The following SYNJ2BP variants were observed in gnomAD, a reference collection of about 807,000 sequenced individuals.
SYNJ2BP encodes synaptojanin-2-binding protein.
A neutral mutation model predicts 16.9 loss-of-function variants in SYNJ2BP; 10 were observed. That is an observed-to-expected ratio of 0.59 (90% CI 0.36 to 1.00). The LOEUF (loss-of-function observed/expected upper bound fraction) is 1.00, where lower values mean the gene tolerates loss of function less well. Ranked by LOEUF, SYNJ2BP falls within the 50% of genes least tolerant of loss-of-function variation. The probability of loss-of-function intolerance (pLI) is 0.01; values close to 1 mark genes in which losing one functional copy is unlikely to be tolerated. For synonymous variants in SYNJ2BP, 54 were observed against 68.4 expected, an observed-to-expected ratio of 0.79 and a Z score of 1.04; for missense variants, 162 against 186.7, an observed-to-expected ratio of 0.87 and a Z score of 0.77.
At chr14:70,412,442 A>C (rs1337954844) in intron 1 of SYNJ2BP, among the ~76,000 whole-genome samples, 1 of 150,524 alleles carries the variant, frequency 6.6e-6, no homozygotes, top group East Asian at 1.9e-4. Flanking sequence ...GTTGCTGTGA[A>C]GATTAAATGA....
chr14:70,406,064 T>A (rs889465836), intron 1 of SYNJ2BP, among the ~76,000 whole-genome samples: 1 of 152,188 alleles, frequency 6.6e-6, no homozygotes, highest in Middle Eastern at 3.2e-3. Flanking sequence ...TTAACCCTTT[T>A]CCAAAAGGAA....
chr14:70,391,229 T>C (rs1449791458), intron 1 of SYNJ2BP, among the ~76,000 whole-genome samples: 2 of 152,124 alleles, frequency 1.3e-5, no homozygotes, highest in Admixed American at 6.5e-5. Flanking sequence ...TAATAGAAAG[T>C]GCTACTTCTG....
chr14:70,378,034 G>A (rs1451455501), intron 2 of SYNJ2BP, among the ~76,000 whole-genome samples: 1 of 152,142 alleles, frequency 6.6e-6, no homozygotes, highest in Non-Finnish European at 1.5e-5. Flanking sequence ...TCCTATAGCC[G>A]TTTTTGTCTT....
At chr14:70,398,534 T>C (rs115682908) in intron 1 of SYNJ2BP, among the ~76,000 whole-genome samples, 1 of 152,144 alleles carries the variant, frequency 6.6e-6, no homozygotes, top group Non-Finnish European at 1.5e-5. Context: ...GTGTACACAC[T>C]GGGCCGGGCT....
chr14:70,413,260 T>C (rs7160707), intron 1 of SYNJ2BP, among the ~76,000 whole-genome samples: 149,304 of 152,354 alleles, frequency 0.98, 73,225 homozygotes, highest in East Asian at 1. Context: ...CCAAGTCCCT[T>C]CTTACAGTTG....
chr14:70,378,575 A>C (rs1474115547), intron 2 of SYNJ2BP, among the ~76,000 whole-genome samples: 1 of 151,946 alleles, frequency 6.6e-6, no homozygotes, highest in Non-Finnish European at 1.5e-5. Flanking sequence ...TATAGGTGTG[A>C]GACATTGTGC....
chr14:70,390,505 A>T, intron 1 of SYNJ2BP, among the ~76,000 whole-genome samples: 1 of 151,948 alleles, frequency 6.6e-6, no homozygotes. Flanking sequence ...TGTCTCTACT[A>T]AAAATACAAA....
intron 3 of SYNJ2BP, 138 bp downstream of exon 3, chr14:70,375,538 C>T (rs1566614443): frequency 3.6e-6 from 4 of 1,099,432 alleles, no homozygotes; most frequent in Non-Finnish European, 5.1e-6. Flanking sequence ...ACCAATGGAC[C>T]CCTCCCTTTG....
At chr14:70,412,176 T>C (rs1888486741) in intron 1 of SYNJ2BP, among the ~76,000 whole-genome samples, 1 of 152,302 alleles carries the variant, frequency 6.6e-6, no homozygotes, top group East Asian at 1.9e-4. Flanking sequence ...CTGTAGGTTG[T>C]ATTAGTCATT....
At chr14:70,406,715 A>G (rs7158117) in intron 1 of SYNJ2BP, among the ~76,000 whole-genome samples, 133,002 of 152,180 alleles carry the variant, frequency 0.87, 58,189 homozygotes, top group East Asian at 0.93. Context: ...TGCCCACCCA[A>G]GAAACAACAC....
At chr14:70,375,847 C>A in intron 2 of SYNJ2BP, 76 bp from the exon 3 acceptor site, 1 of 1,573,022 alleles carries the variant, frequency 6.4e-7, no homozygotes, top group South Asian at 1.2e-5. Flanking sequence ...AATGGCCAAA[C>A]TTTAAATAAC....
intron 2 of SYNJ2BP, among the ~76,000 whole-genome samples, chr14:70,384,564 A>G (rs1354078609): frequency 1.3e-5 from 2 of 152,184 alleles, no homozygotes; most frequent in Non-Finnish European, 2.9e-5. Context: ...ATTTTGAAGC[A>G]AACTCTTGTA....
rs1887530291 is a variant in SYNJ2BP, at chr14:70,372,105, A to G, written c.*886T>C. The G allele has an allele frequency of 6.6e-6, 1 of 152,146 alleles. No individual in the cohort carries two copies. Among genetic ancestry groups the G allele is most frequent in the South Asian group, 2.1e-4 (1 of 4,820 alleles). The allele number at this position is 152,146 out of a possible 1,614,324, so 9.4% of individuals were successfully genotyped here. A position where few individuals can be genotyped will look rare whatever the true frequency, so the allele number is the denominator to read the frequency against. On this transcript the variant is annotated 3_prime_UTR_variant, in exon 4 of 4. Transcript: ENST00000256366. ...TTATAAGAATAAATATTGTTCTTCT[A>G]AGATTTTTAATTAGTTGCTTCAGTT...
At chr14:70,405,425 T>G (rs1888325880) in intron 1 of SYNJ2BP, among the ~76,000 whole-genome samples, 1 of 152,042 alleles carries the variant, frequency 6.6e-6, no homozygotes, top group African/African-American at 2.4e-5. Context: ...CTGCAATTAC[T>G]TTTGCACCAA....
At chr14:70,393,538 A>G (rs147276848) in intron 1 of SYNJ2BP, among the ~76,000 whole-genome samples, 197 of 152,360 alleles carry the variant, frequency 1.3e-3, no homozygotes, top group African/African-American at 4.6e-3. Flanking sequence ...AATAGCAAAG[A>G]CTTGGAACCA....
At chr14:70,406,438 C>G (rs1447503532) in intron 1 of SYNJ2BP, among the ~76,000 whole-genome samples, 1 of 152,162 alleles carries the variant, frequency 6.6e-6, no homozygotes, top group Admixed American at 6.5e-5. Flanking sequence ...ACAAAGATAA[C>G]AGCCCTTTGC....
chr14:70,382,880 T>G (rs1009529300), intron 2 of SYNJ2BP, among the ~76,000 whole-genome samples: 2 of 152,230 alleles, frequency 1.3e-5, no homozygotes, highest in Non-Finnish European at 2.9e-5. Context: ...ATTAGTTTTC[T>G]TTGATTAAGA....
chr14:70,373,245 C>T, intron 3 of SYNJ2BP, 114 bp from the exon 4 acceptor site: 2 of 1,364,540 alleles, frequency 1.5e-6, no homozygotes, highest in Admixed American at 2.3e-5. Context: ...AAACTGTAAC[C>T]CCCAGCAATA....
At position 70,416,998 on chromosome 14, in the gene SYNJ2BP, G is replaced by A. The variant is rs750132368; in HGVS notation, c.-35C>T. 1 of 1,614,130 alleles carries A rather than the reference G, an allele frequency of 6.2e-7. No individual in the cohort carries two copies. Among genetic ancestry groups the A allele is most frequent in the South Asian group, 1.1e-5 (1 of 91,076 alleles). On this transcript the variant is annotated 5_prime_UTR_variant, in exon 1 of 4. Transcript: ENST00000256366. ...CTCGTCTGGCTTCCTACTTGGGTCA[G>A]CTGGAGTGCAGCACAGGTGAAGGTG...
Sources: allele counts gnomAD v4.1 joint callset (sites outside exome capture counted in the v4.1 genomes callset), GRCh38; gene constraint gnomAD v4.1.1; transcripts MANE v1.5; gene names NCBI Gene and HGNC (gene_info 2026-07-23, HGNC 2026-07-21).